RBFOX1: variants seen among roughly 807,000 people sequenced by gnomAD.
RBFOX1 encodes RNA binding fox-1 homolog 1.
Under a neutral mutation model 57.7 loss-of-function variants are expected in RBFOX1, and 8 were observed. The ratio of observed to expected loss-of-function variants is 0.14; its 90% CI spans 0.08 to 0.25. The LOEUF is 0.25. Ranked by LOEUF, RBFOX1 falls within the 10% of genes least tolerant of loss-of-function variation. The probability of loss-of-function intolerance (pLI) is 1.00; values close to 1 mark genes in which losing one functional copy is unlikely to be tolerated. For synonymous variants in RBFOX1, 326 were observed against 222.4 expected, an observed-to-expected ratio of 1.47 and a Z score of -4.15; for missense variants, 611 against 548.5, an observed-to-expected ratio of 1.11 and a Z score of -1.14.
chr16:6,764,249 G>A (rs763504472), intron 3 of RBFOX1, among the ~76,000 whole-genome samples: 1 of 152,138 alleles, frequency 6.6e-6, no homozygotes, highest in Non-Finnish European at 1.5e-5. Flanking sequence ...AAATTGGCTG[G>A]ACTTGAAAGC....
At chr16:7,259,277 C>T (rs374828139) in intron 4 of RBFOX1, among the ~76,000 whole-genome samples, 1 of 152,250 alleles carries the variant, frequency 6.6e-6, no homozygotes, top group South Asian at 2.1e-4. Context: ...AAAGCAACTG[C>T]AAAGAGAGGC....
intron 2 of RBFOX1, among the ~76,000 whole-genome samples, chr16:6,523,233 G>A (rs900212572): frequency 6.6e-6 from 1 of 151,964 alleles, no homozygotes; most frequent in South Asian, 2.1e-4. Context: ...CAAGTACTTG[G>A]GAAATACCTG....
At chr16:6,576,229 T>TCTCAGGGCACAAGGCAGGGACCA (rs1432372757) in intron 2 of RBFOX1, among the ~76,000 whole-genome samples, 7 of 152,268 alleles carry the variant, frequency 4.6e-5, no homozygotes, top group African/African-American at 1.2e-4. Context: ...TGTCGTAGCA[T>TCTCAGGGCACAAGGCAGGGACCA]CTCAGGGCAC....
chr16:5,239,878 C>T (rs1371661973), exon 1 of RBFOX1: 9 of 1,421,020 alleles, frequency 6.3e-6, no homozygotes, highest in Admixed American at 2.0e-5. Context: ...AGGCAGAGCC[C>T]CCGGAGCCAT....
intron 4 of RBFOX1, among the ~76,000 whole-genome samples, chr16:7,469,966 A>G (rs564860984): frequency 2.0e-5 from 3 of 151,350 alleles, no homozygotes; most frequent in South Asian, 2.1e-4. Context: ...TTCTCTTAGC[A>G]TAACGTCTTC....
At chr16:5,628,564 C>G (rs2048410755) in intron 3 of RBFOX1, among the ~76,000 whole-genome samples, 1 of 152,164 alleles carries the variant, frequency 6.6e-6, no homozygotes, top group South Asian at 2.1e-4. Context: ...AACATAAAGT[C>G]TGAACTGCTG....
At chr16:7,703,993 C>G (rs1369722927) in intron 14 of RBFOX1, among the ~76,000 whole-genome samples, 3 of 152,218 alleles carry the variant, frequency 2.0e-5, no homozygotes, top group African/African-American at 4.8e-5. Context: ...ATAATCTCCT[C>G]TATCTGTAGG....
At chr16:7,708,457 G>A (rs76125776) in intron 14 of RBFOX1, among the ~76,000 whole-genome samples, 1 of 152,114 alleles carries the variant, frequency 6.6e-6, no homozygotes, top group South Asian at 2.1e-4. Context: ...TAATGTGACA[G>A]AAGTTCTGGA....
At chr16:7,320,250 C>T (rs938321183) in intron 4 of RBFOX1, among the ~76,000 whole-genome samples, 3 of 151,976 alleles carry the variant, frequency 2.0e-5, no homozygotes, top group African/African-American at 7.2e-5. Flanking sequence ...CCCTACAGGC[C>T]CCAGTGTGTG....
rs138256662 is a variant in RBFOX1 at position 6,922,621 on chromosome 16, G to A, written c.-15-129436G>A. 4.5e-3 allele frequency among the ~76,000 whole-genome samples: 692 copies of A among 152,272 alleles called. 8 individuals are homozygous for A. Among genetic ancestry groups the A allele is most frequent in the African/African-American group, 0.016 (669 of 41,526 alleles). On this transcript the variant is annotated intron_variant, in intron 3 of 15. Transcript: ENST00000550418. ...CATGTGATTCTTTTACTTGCTGACT[G>A]TTGAATGTGAAATGTGCAGCCACCT...
At chr16:7,221,272 C>G (rs1236183423) in intron 4 of RBFOX1, among the ~76,000 whole-genome samples, 4 of 152,122 alleles carry the variant, frequency 2.6e-5, no homozygotes, top group African/African-American at 9.7e-5. Context: ...AGGAGGGTCT[C>G]AGAAGGTGAT....
chr16:6,145,174 C>G (rs568962278), intron 1 of RBFOX1, among the ~76,000 whole-genome samples: 3 of 151,984 alleles, frequency 2.0e-5, no homozygotes, highest in African/African-American at 7.3e-5. Flanking sequence ...TTTCCTGATC[C>G]TCTCCCATTT....
chr16:7,118,092 C>G (rs953176570), intron 4 of RBFOX1, among the ~76,000 whole-genome samples: 1 of 152,118 alleles, frequency 6.6e-6, no homozygotes, highest in African/African-American at 2.4e-5. Context: ...GGGTAGATAA[C>G]CAGTAGTGGG....
At chr16:5,466,868 C>T (rs2068969303) in intron 1 of RBFOX1, among the ~76,000 whole-genome samples, 1 of 152,172 alleles carries the variant, frequency 6.6e-6, no homozygotes, top group South Asian at 2.1e-4. Context: ...AAAGTAACAC[C>T]AGTTACTCTC....
At chr16:6,343,373 A>AT (rs34371601) in intron 2 of RBFOX1, among the ~76,000 whole-genome samples, 2 of 152,090 alleles carry the variant, frequency 1.3e-5, no homozygotes, top group Non-Finnish European at 2.9e-5. Flanking sequence ...TCATTAGTAG[A>AT]TTTTTCCCCC....
chr16:7,222,083 C>G (rs927890283), intron 4 of RBFOX1, among the ~76,000 whole-genome samples: 1 of 152,176 alleles, frequency 6.6e-6, no homozygotes, highest in African/African-American at 2.4e-5. Flanking sequence ...CTCTGTGTCA[C>G]TGCTTCCAGC....
intron 1 of RBFOX1, among the ~76,000 whole-genome samples, chr16:5,258,005 A>T (rs887292270): frequency 3.3e-5 from 5 of 152,002 alleles, no homozygotes; most frequent in African/African-American, 1.2e-4. Context: ...CAGCCTCCTG[A>T]GTAGCTGGGA....
intron 3 of RBFOX1, among the ~76,000 whole-genome samples, chr16:6,984,338 G>A (rs1179911702): frequency 1.3e-5 from 2 of 152,094 alleles, no homozygotes; most frequent in Non-Finnish European, 2.9e-5. Context: ...AAATATGATG[G>A]TATCAATGTC....
Position 6,011,192 on chromosome 16 carries a change from A to G in RBFOX1, c.351+143857A>G, listed in dbSNP as rs142164638. Among the ~76,000 whole-genome samples, 3 of 152,322 alleles carry G rather than the reference A, an allele frequency of 2.0e-5. No individual in the cohort carries two copies. In the East Asian group the frequency reaches 5.8e-4, roughly 29 times the overall value. ...CCTGAGGTGTTAGTACATTAAGGCAAAGCTATGTATGTTCTGATTATAAAT... is the reference window on the plus strand; with the variant it reads ...CCTGAGGTGTTAGTACATTAAGGCAGAGCTATGTATGTTCTGATTATAAAT... On this transcript the variant is annotated intron_variant, in intron 4 of 19. Coordinates refer to the RBFOX1 transcript ENST00000641259.
Sources: gnomAD v4.1 joint callset for allele counts (sites outside exome capture counted in the v4.1 genomes callset) on GRCh38, gnomAD v4.1.1 for gene constraint, MANE v1.5 for transcripts, NCBI Gene and HGNC (gene_info 2026-07-23, HGNC 2026-07-21) for gene names.